The following NXF1 variants were observed in gnomAD, a reference collection of about 807,000 sequenced individuals.
NXF1 encodes the protein nuclear RNA export factor 1.
A neutral mutation model predicts 92.4 loss-of-function variants in NXF1; 43 were observed. The observed-to-expected ratio is 0.47, with a 90% CI of 0.36 to 0.60. NXF1 has a LOEUF of 0.60. Ranked by LOEUF, NXF1 falls within the 20% of genes least tolerant of loss-of-function variation. The pLI, the probability that NXF1 is intolerant of heterozygous loss-of-function variation, is 0.00. For synonymous variants in NXF1, 288 were observed against 292.2 expected (o/e 0.99, Z 0.15); for missense variants, 576 against 793.0 (o/e 0.73, Z 3.29).
intron 19 of NXF1, 89 bp downstream of exon 19, chr11:62,794,169 A>G: frequency 1.5e-6 from 2 of 1,348,018 alleles, no homozygotes; most frequent in East Asian, 4.7e-5. Flanking sequence ...TGTCTCCAAA[A>G]AAAAAACAAA....
At chr11:62,797,607 G>A (rs906565228) in intron 11 of NXF1, among the ~76,000 whole-genome samples, 5 of 152,162 alleles carry the variant, frequency 3.3e-5, no homozygotes, top group Admixed American at 2.0e-4. Context: ...TTGGGAGGCT[G>A]AAGTGGGAGG....
At chr11:62,800,574 T>G in intron 9 of NXF1, 88 bp from the exon 10 acceptor site, 3 of 781,048 alleles carry the variant, frequency 3.8e-6, no homozygotes, top group Non-Finnish European at 6.1e-6. Flanking sequence ...CGCTTAGCTC[T>G]GAGATCTTTT....
At chr11:62,798,824 C>G in intron 10 of NXF1, 1 of 1,311,962 alleles carries the variant, frequency 7.6e-7, no homozygotes, top group Non-Finnish European at 9.7e-7. Context: ...GAGCAGTACT[C>G]CAAGCCCAGG....
At chr11:62,794,043 T>TATA (rs1326196884) in intron 19 of NXF1, among the ~76,000 whole-genome samples, 1 of 151,304 alleles carries the variant, frequency 6.6e-6, no homozygotes, top group Non-Finnish European at 1.5e-5. Flanking sequence ...GGCACATGCC[T>TATA]ATAGGCCCAG....
At chr11:62,801,028 A>T in intron 9 of NXF1, 66 bp downstream of exon 9, 1 of 1,191,606 alleles carries the variant, frequency 8.4e-7, no homozygotes, top group Non-Finnish European at 1.2e-6. Flanking sequence ...TCTTGCCATC[A>T]CTGGACAAAC....
chr11:62,798,612 A>G (rs760723083), intron 10 of NXF1, 37 bp from the exon 11 acceptor site: 20 of 1,613,042 alleles, frequency 1.2e-5, no homozygotes, highest in Non-Finnish European at 1.7e-5. Flanking sequence ...GATGCTTCAG[A>G]GCCACCGTGC....
At chr11:62,793,956 G>A (rs866182905) in intron 19 of NXF1, among the ~76,000 whole-genome samples, 3 of 144,606 alleles carry the variant, frequency 2.1e-5, no homozygotes, top group South Asian at 4.4e-4. Flanking sequence ...AGCCAAGATC[G>A]CACCACTGCA....
rs764680480 is a variant in NXF1, at chr11:62,792,458, T to G, written c.*18A>C. On this transcript the variant is annotated 3_prime_UTR_variant, in exon 21 of 21. Coordinates refer to ENST00000294172, the MANE Select transcript of NXF1 (RefSeq NM_006362.5). ...AGGACTATTTACAGGGGGGACTGCTTCTGAGGCATGACTACGATCACTTCA... is the reference window on the plus strand; with the variant it reads ...AGGACTATTTACAGGGGGGACTGCTGCTGAGGCATGACTACGATCACTTCA... The G allele has an allele frequency of 1.1e-5, 17 of 1,613,992 alleles. No individual in the cohort carries two copies. The highest frequency in any genetic ancestry group is 6.7e-5 in the Admixed American group (4 of 59,988).
intron 19 of NXF1, among the ~76,000 whole-genome samples, chr11:62,793,908 G>A (rs1363677475): frequency 6.6e-6 from 1 of 151,494 alleles, no homozygotes; most frequent in East Asian, 1.9e-4. Context: ...GGCTGAGATT[G>A]GAGAATTGCT....
intron 4 of NXF1, 40 bp from the exon 5 acceptor site, chr11:62,802,086 G>A (rs2134778149): frequency 6.2e-7 from 1 of 1,608,394 alleles, no homozygotes; most frequent in East Asian, 2.2e-5. Context: ...GGAGTCCAGA[G>A]CCCTTGGGGA....
In NXF1 at chr11:62,797,164, G is replaced by C; in HGVS notation, c.1178+19C>G. On this transcript the variant is annotated intron_variant, in intron 13 of 20. Transcript: ENST00000294172. ...CCCCTCAACCTCGGGGTGGGGAGGG[G>C]GGACCCTGGGATACTTACTGTTGCA... 1 of 1,613,206 alleles carries C rather than the reference G, an allele frequency of 6.2e-7. No individual in the cohort carries two copies. Among genetic ancestry groups the C allele is most frequent in the Non-Finnish European group, 8.5e-7 (1 of 1,179,218 alleles).
At chr11:62,802,373 G>T in intron 3 of NXF1, 113 bp from the exon 4 acceptor site, 1 of 793,236 alleles carries the variant, frequency 1.3e-6, no homozygotes, top group Non-Finnish European at 2.1e-6. Context: ...CTAAAGAAAG[G>T]ACCAGTACTA....
At chr11:62,793,619 G>A (rs1213035952) in intron 19 of NXF1, among the ~76,000 whole-genome samples, 1 of 152,048 alleles carries the variant, frequency 6.6e-6, no homozygotes, top group East Asian at 1.9e-4. Flanking sequence ...TGAGGCTGCA[G>A]TGAACTGTGA....
intron 19 of NXF1, among the ~76,000 whole-genome samples, chr11:62,793,305 T>C (rs2084386049): frequency 6.6e-6 from 1 of 152,174 alleles, no homozygotes; most frequent in Admixed American, 6.5e-5. Context: ...TCTTGATCTC[T>C]TGACCTCGTG....
chr11:62,800,175 G>A, intron 10 of NXF1: 1 of 1,410,398 alleles, frequency 7.1e-7, no homozygotes, highest in Non-Finnish European at 9.2e-7. Context: ...AGATAGTCAA[G>A]TCAGAAGAGA....
In NXF1 at chr11:62,803,782, G is replaced by C. The variant is rs2084504867; in HGVS notation, c.215+10C>G. Reference sequence around the variant, plus strand: ...CCACTAAATTCAAACCAGACCAACTGGTCACTCACTATCGTACTCGGGGAC... The same window carrying C: ...CCACTAAATTCAAACCAGACCAACTCGTCACTCACTATCGTACTCGGGGAC... On this transcript the variant is annotated intron_variant, in intron 2 of 20. Coordinates refer to ENST00000294172, the MANE Select transcript of NXF1 (RefSeq NM_006362.5). 1 of 1,611,108 alleles carries C rather than the reference G, an allele frequency of 6.2e-7. No homozygotes were observed. Among genetic ancestry groups the C allele is most frequent in the Non-Finnish European group, 8.5e-7 (1 of 1,178,068 alleles).
intron 1 of NXF1, chr11:62,804,232 A>T: frequency 6.8e-7 from 1 of 1,462,248 alleles, no homozygotes; most frequent in Non-Finnish European, 9.1e-7. Context: ...GAGAAGCAGG[A>T]TGTAGAAATG....
rs749749809 is a variant in NXF1 at position 62,803,541 on chromosome 11, C to T, written c.247G>A (p.Gly83Ser). The change falls in exon 3 of 21, where the codon GGT (glycine) becomes AGT (serine). Residue 83 changes from glycine (G) to serine (S), a missense_variant. By Grantham distance (56) the Gly-to-Ser change is moderately conservative (BLOSUM62 0). Transcript: ENST00000294172. The part of the protein sequence containing the change: ...NPYTTRPNRR[G>S]DTWHDRDRIH... ...CGATCTCGATCATGCCAAGTATCACCCCGACGGTTAGGTCGGGTGGTATAG... is the reference window on the plus strand; with the variant it reads ...CGATCTCGATCATGCCAAGTATCACTCCGACGGTTAGGTCGGGTGGTATAG... 1.2e-6 allele frequency: 2 copies of T among 1,614,028 alleles called. No individual in the cohort carries two copies. The highest frequency in any genetic ancestry group is 1.1e-5 in the South Asian group (1 of 91,084).
chr11:62,799,093 AAG>A (rs1364497217), intron 10 of NXF1: 1 of 987,540 alleles, frequency 1.0e-6, no homozygotes. Flanking sequence ...AAGGAGGAAA[AAG>A]AGAAAAAGGC....
Sources: gnomAD v4.1 joint callset for allele counts (sites outside exome capture counted in the v4.1 genomes callset) on GRCh38, gnomAD v4.1.1 for gene constraint, MANE v1.5 for transcripts, NCBI Gene and HGNC (gene_info 2026-07-23, HGNC 2026-07-21) for gene names.